Variants in CERS4 observed in about 807,000 individuals in gnomAD.
The protein encoded by CERS4 is ceramide synthase 4.
In CERS4, 65 loss-of-function variants were observed where a neutral mutation model predicts 51.8. The ratio of observed to expected loss-of-function variants is 1.26; its 90% CI spans 1.03 to 1.54. The LOEUF is 1.54. Among genes scored for constraint, CERS4 ranks in the 40% most tolerant of loss-of-function variants. The pLI, the probability that CERS4 is intolerant of heterozygous loss-of-function variation, is 0.00. For synonymous variants in CERS4, 228 were observed against 208.4 expected, an observed-to-expected ratio of 1.09 and a Z score of -0.81; for missense variants, 563 against 500.4, an observed-to-expected ratio of 1.13 and a Z score of -1.19.
At chr19:8,254,766 C>T (rs1969284745) in intron 4 of CERS4, 150 bp downstream of exon 4, 3 of 692,746 alleles carry the variant, frequency 4.3e-6, no homozygotes, top group South Asian at 1.7e-5. Context: ...ATCCTCAATT[C>T]CCTGGGAAAG....
intron 2 of CERS4, chr19:8,250,697 C>A: frequency 5.2e-6 from 2 of 387,000 alleles, no homozygotes; most frequent in South Asian, 1.1e-4. Flanking sequence ...CCTCGTGATC[C>A]ACCCACCTTG....
At chr19:8,258,366 A>G (rs754541108) in intron 10 of CERS4, among the ~76,000 whole-genome samples, 1 of 152,202 alleles carries the variant, frequency 6.6e-6, no homozygotes, top group Non-Finnish European at 1.5e-5. Context: ...TAAGTGAGGC[A>G]GCCACGTGAA....
chr19:8,252,023 T>C (rs894869201), intron 3 of CERS4, among the ~76,000 whole-genome samples: 229 of 151,278 alleles, frequency 1.5e-3, no homozygotes, highest in African/African-American at 5.4e-3. Flanking sequence ...GTCCAGGAGT[T>C]CGAGACCAGA....
intron 2 of CERS4, among the ~76,000 whole-genome samples, chr19:8,218,380 CA>C (rs955081122): frequency 1.3e-5 from 2 of 152,192 alleles, no homozygotes; most frequent in African/African-American, 4.8e-5. Flanking sequence ...GAATGCTGAA[CA>C]GTGATTTAGA....
At chr19:8,220,202 T>C (rs146330982) in intron 2 of CERS4, among the ~76,000 whole-genome samples, 404 of 151,206 alleles carry the variant, frequency 2.7e-3, no homozygotes, top group Non-Finnish European at 4.2e-3. Context: ...CTACCCCAGA[T>C]ACTCATCCCA....
intron 3 of CERS4, among the ~76,000 whole-genome samples, chr19:8,254,020 A>G (rs1190338432): frequency 6.6e-6 from 1 of 151,992 alleles, no homozygotes; most frequent in Admixed American, 6.6e-5. Context: ...GATCAGATGG[A>G]AAAGAAAGAC....
intron 10 of CERS4, chr19:8,261,205 T>C: frequency 6.8e-6 from 1 of 148,032 alleles, no homozygotes; most frequent in Non-Finnish European, 1.5e-5. Flanking sequence ...CCCCACCCCT[T>C]TTTTACTCCT....
intron 3 of CERS4, among the ~76,000 whole-genome samples, chr19:8,252,051 A>C (rs1969110429): frequency 7.4e-6 from 1 of 135,416 alleles, no homozygotes; most frequent in Admixed American, 8.1e-5. Context: ...ACATGGTGAA[A>C]CCTCATCTCT....
chr19:8,248,783 G>GATGA (rs1205035005), intron 2 of CERS4, among the ~76,000 whole-genome samples: 1 of 151,740 alleles, frequency 6.6e-6, no homozygotes, highest in Non-Finnish European at 1.5e-5. Context: ...TGGGTGGATG[G>GATGA]ATGAATGGGT....
chr19:8,221,974 C>A (rs1261185925), intron 2 of CERS4, among the ~76,000 whole-genome samples: 5 of 145,886 alleles, frequency 3.4e-5, no homozygotes, highest in Non-Finnish European at 6.0e-5. Context: ...CTCCGCCTCC[C>A]GGGTTCACGC....
intron 3 of CERS4, among the ~76,000 whole-genome samples, chr19:8,253,449 CTTTTTTTT>C (rs35212733): frequency 6.8e-5 from 5 of 74,054 alleles, no homozygotes; most frequent in African/African-American, 9.9e-5. Flanking sequence ...GTCCAGCTGC[CTTTTTTTT>C]TTTTTTTTTT....
chr19:8,213,297 G>A (rs1160119843), intron 2 of CERS4, among the ~76,000 whole-genome samples: 1 of 152,032 alleles, frequency 6.6e-6, no homozygotes, highest in African/African-American at 2.4e-5. Context: ...TTACAGGCAT[G>A]AGCCACTGCA....
At chr19:8,246,295 T>C (rs1013928438) in intron 2 of CERS4, among the ~76,000 whole-genome samples, 2 of 152,126 alleles carry the variant, frequency 1.3e-5, no homozygotes, top group Non-Finnish European at 2.9e-5. Context: ...CAGTGGCTCA[T>C]GCCTGTAATC....
At chr19:8,255,492 C>A (rs1357515048) in intron 4 of CERS4, 115 bp from the exon 5 acceptor site, 18 of 898,494 alleles carry the variant, frequency 2.0e-5, no homozygotes, top group Non-Finnish European at 7.0e-6. Context: ...CATGGTCACC[C>A]TGTAGGCAAG....
At chr19:8,251,571 A>G (rs1171025639) in intron 3 of CERS4, among the ~76,000 whole-genome samples, 1 of 152,036 alleles carries the variant, frequency 6.6e-6, no homozygotes, top group Non-Finnish European at 1.5e-5. Flanking sequence ...CAGCACTTTG[A>G]GAGGCTGAGG....
chr19:8,227,448 C>T (rs1404819529), intron 2 of CERS4, among the ~76,000 whole-genome samples: 1 of 151,942 alleles, frequency 6.6e-6, no homozygotes, highest in Non-Finnish European at 1.5e-5. Flanking sequence ...AATTCTCATG[C>T]CTCAGCCTTC....
intron 7 of CERS4, 77 bp from the exon 8 acceptor site, chr19:8,256,541 G>A (rs1969392585): frequency 1.5e-6 from 2 of 1,351,996 alleles, no homozygotes; most frequent in Admixed American, 2.1e-5. Context: ...TGAGCAAACG[G>A]AGTGGGCCCG....
At chr19:8,214,689 C>T (rs1967217334) in intron 2 of CERS4, among the ~76,000 whole-genome samples, 1 of 151,938 alleles carries the variant, frequency 6.6e-6, no homozygotes, top group Admixed American at 6.6e-5. Context: ...ACTTTGTCGT[C>T]CTGTATGTGC....
At chr19:8,235,637 C>T (rs1485968463) in intron 2 of CERS4, among the ~76,000 whole-genome samples, 3 of 151,828 alleles carry the variant, frequency 2.0e-5, no homozygotes, top group Non-Finnish European at 4.4e-5. Flanking sequence ...CCTATAATCC[C>T]AGCACTTTGG....
Sources: allele counts gnomAD v4.1 joint callset (sites outside exome capture counted in the v4.1 genomes callset), GRCh38; gene constraint gnomAD v4.1.1; transcripts MANE v1.5; gene names NCBI Gene and HGNC (gene_info 2026-07-23, HGNC 2026-07-21).